INPP1: variants seen among roughly 807,000 people sequenced by gnomAD.
INPP1 encodes the protein inositol polyphosphate 1-phosphatase.
A neutral mutation model predicts 23.0 loss-of-function variants in INPP1; 18 were observed. The observed-to-expected ratio is 0.78, with a 90% CI of 0.54 to 1.16. INPP1 has a LOEUF of 1.16. Among genes scored for constraint, INPP1 ranks in the 50% most tolerant of loss-of-function variants. The probability of loss-of-function intolerance (pLI) is 0.00; values close to 1 mark genes in which losing one functional copy is unlikely to be tolerated. For missense variants in INPP1, 448 were observed against 482.1 expected (o/e 0.93, Z 0.66); for synonymous variants, 164 against 176.3 (o/e 0.93, Z 0.55).
chr2:190,368,937 A>G lies in INPP1; in HGVS notation c.467-166A>G. On this transcript the variant is annotated intron_variant, in intron 5 of 6. Transcript: ENST00000392329. The surrounding 1 kb of genome is among the most constrained non-coding windows in gnomAD (Gnocchi z 4.3). Reference sequence around the variant, plus strand: ...CTCACAGTCAGGAAAATGAAACACAAGCAATTTAAAAGTAAAGTACAAGAG... The same window carrying G: ...CTCACAGTCAGGAAAATGAAACACAGGCAATTTAAAAGTAAAGTACAAGAG... The G allele has an allele frequency of 2.4e-6, 1 of 424,412 alleles. No individual in the cohort carries two copies. The highest frequency in any genetic ancestry group is 4.2e-6 in the Non-Finnish European group (1 of 239,482). The allele number at this position is 424,412 out of a possible 1,614,324, so 26.3% of individuals were successfully genotyped here.
At position 190,368,446 on chromosome 2, in the gene INPP1, C is replaced by T. The variant is rs1012657920; in HGVS notation, c.467-657C>T. Among the ~76,000 whole-genome samples the T allele has an allele frequency of 6.6e-6, 1 of 151,950 alleles. No homozygotes were observed. Among genetic ancestry groups the T allele is most frequent in the African/African-American group, 2.4e-5 (1 of 41,242 alleles). On this transcript the variant is annotated intron_variant, in intron 5 of 6. Coordinates refer to ENST00000392329, the MANE Select transcript of INPP1 (RefSeq NM_001128928.2). The surrounding 1 kb of genome is among the most constrained non-coding windows in gnomAD (Gnocchi z 4.3). ...AGATAATATTACCTGTGACCTATTA[C>T]AGGAGGGGGGCTTTTCTTTTTTTCT...
chr2:190,364,593 T>TTTTTA (rs1227790866), intron 4 of INPP1, among the ~76,000 whole-genome samples: 11 of 87,880 alleles, frequency 1.3e-4, no homozygotes, highest in African/African-American at 5.5e-4. Context: ...GGTTCTGATT[T>TTTTTA]TTTTTTTTTT....
chr2:190,364,347 G>A (rs1689595035), intron 4 of INPP1, among the ~76,000 whole-genome samples: 1 of 151,932 alleles, frequency 6.6e-6, no homozygotes, highest in Admixed American at 6.6e-5. Context: ...AGTCCATCCT[G>A]GCTAACACGG....
chr2:190,359,286 T>A (rs1019077508), intron 2 of INPP1, among the ~76,000 whole-genome samples: 1 of 151,928 alleles, frequency 6.6e-6, no homozygotes, highest in Non-Finnish European at 1.5e-5. Context: ...GGTGACAGAG[T>A]GAGACCCTGT....
intron 3 of INPP1, among the ~76,000 whole-genome samples, chr2:190,361,950 A>G (rs919733877): frequency 2.0e-5 from 3 of 152,264 alleles, no homozygotes; most frequent in African/African-American, 7.2e-5. Context: ...GAGAAAAATT[A>G]TCTTTATTAC....
rs1446144350 is a variant in INPP1 at position 190,352,389 on chromosome 2, G to A, written c.-65+3358G>A. ...CAAACTGTAATATTTATTGGATCCT[G>A]AGAAATGTTTGACAGTCAAATATCT... On this transcript the variant is annotated intron_variant, in intron 2 of 6. Coordinates refer to ENST00000392329, the MANE Select transcript of INPP1 (RefSeq NM_001128928.2). This position sits in a 1 kb window ranked among gnomAD's most constrained non-coding sequence, Gnocchi z 4.7. 6.6e-6 allele frequency among the ~76,000 whole-genome samples: 1 copy of A among 152,210 alleles called. No homozygotes were observed. The highest frequency in any genetic ancestry group is 1.5e-5 in the Non-Finnish European group (1 of 68,040).
rs1200220164 is a variant in INPP1, at chr2:190,366,896, G to A, written c.466+1G>A. 1 of 1,586,956 alleles carries A rather than the reference G, an allele frequency of 6.3e-7. No individual in the cohort carries two copies. Among genetic ancestry groups the A allele is most frequent in the Non-Finnish European group, 8.7e-7 (1 of 1,155,146 alleles). ...TTGGGAATTTGGGTGGACCCCATAG[G>A]TAAGTATAGGAAAGTATGTTTGTTC... On this transcript the variant is annotated splice_donor_variant, in intron 5 of 6. Transcript: ENST00000392329. LOFTEE classifies it high-confidence loss of function.
At chr2:190,357,551 T>C (rs528470944) in intron 2 of INPP1, among the ~76,000 whole-genome samples, 1 of 152,362 alleles carries the variant, frequency 6.6e-6, no homozygotes, top group East Asian at 1.9e-4. Context: ...TTATTAAATA[T>C]TCTTCAAAAA....
rs1689192885 is a variant in INPP1, at chr2:190,345,298, A to G, written c.-209+1337A>G. On this transcript the variant is annotated intron_variant, in intron 1 of 6. Transcript: ENST00000392329. The surrounding 1 kb of genome is among the most constrained non-coding windows in gnomAD (Gnocchi z 4.9). ...TGCTTGGAAATTGCAGCTTTGACTA[A>G]TGCCCTTTAAAATGATATACCTTAT... 6.6e-6 allele frequency among the ~76,000 whole-genome samples: 1 copy of G among 152,214 alleles called. No individual in the cohort carries two copies. Among genetic ancestry groups the G allele is most frequent in the South Asian group, 2.1e-4 (1 of 4,838 alleles).
At chr2:190,344,107 C>G (rs1048585622) in intron 1 of INPP1, 146 bp downstream of exon 1, 1 of 213,036 alleles carries the variant, frequency 4.7e-6, no homozygotes, top group Non-Finnish European at 1.0e-5. Context: ...GAGGGTTCCT[C>G]GCCTCTGCGC....
chr2:190,348,490 T>C (rs1400963169), intron 1 of INPP1, among the ~76,000 whole-genome samples: 3 of 152,222 alleles, frequency 2.0e-5, no homozygotes, highest in African/African-American at 7.2e-5. Flanking sequence ...GCACTGTTCA[T>C]GTCCAGAATT....
intron 2 of INPP1, among the ~76,000 whole-genome samples, chr2:190,353,809 T>C (rs190434783): frequency 2.0e-5 from 3 of 152,372 alleles, no homozygotes; most frequent in African/African-American, 7.2e-5. Context: ...TATGTCTAAA[T>C]TATTCAGATA....
In INPP1 at chr2:190,370,988, C is replaced by T. The variant is rs965520542; in HGVS notation, c.786C>T (p.Ala262=). 7.4e-6 allele frequency: 12 copies of T among 1,613,962 alleles called. No homozygotes were observed. Among genetic ancestry groups the T allele is most frequent in the Admixed American group, 1.7e-5 (1 of 59,988 alleles). ...SEAAFSPSFS[A]VISTSEKETI... is the part of the protein sequence containing the mutation. ...CAGCATTCTCCCCCAGTTTTTCAGC[C>T]GTAATTAGTACAAGTGAAAAGGAGA... The change falls in exon 7 of 7, where the codon GCC becomes GCT. Residue 262 remains alanine (A), a synonymous_variant. Transcript: ENST00000392329.
At chr2:190,364,490 G>T (rs1026957840) in intron 4 of INPP1, among the ~76,000 whole-genome samples, 3 of 150,910 alleles carry the variant, frequency 2.0e-5, no homozygotes, top group Non-Finnish European at 4.4e-5. Context: ...TGCAGTGAGC[G>T]GAGATCGCAC....
intron 1 of INPP1, 74 bp downstream of exon 1, chr2:190,344,035 C>T (rs1689167949): frequency 1.5e-5 from 5 of 335,920 alleles, no homozygotes; most frequent in South Asian, 6.6e-5. Context: ...GGATCTGGGG[C>T]CCGGGCTGGT....
In INPP1 at chr2:190,352,386, C is replaced by G. The variant is rs539058412; in HGVS notation, c.-65+3355C>G. 6.6e-6 allele frequency among the ~76,000 whole-genome samples: 1 copy of G among 152,150 alleles called. No homozygotes were observed. The highest frequency in any genetic ancestry group is 6.5e-5 in the Admixed American group (1 of 15,280). ...TCCCAAACTGTAATATTTATTGGAT[C>G]CTGAGAAATGTTTGACAGTCAAATA... On this transcript the variant is annotated intron_variant, in intron 2 of 6. Coordinates refer to ENST00000392329, the MANE Select transcript of INPP1 (RefSeq NM_001128928.2). This position sits in a 1 kb window ranked among gnomAD's most constrained non-coding sequence, Gnocchi z 4.7.
rs1023457862 is a variant in INPP1 at position 190,355,252 on chromosome 2, T to G, written c.-64-4787T>G. Among the ~76,000 whole-genome samples the G allele has an allele frequency of 1.3e-5, 2 of 152,302 alleles. No individual in the cohort carries two copies. The highest frequency in any genetic ancestry group is 2.9e-5 in the Non-Finnish European group (2 of 68,014). On this transcript the variant is annotated intron_variant, in intron 2 of 6. Coordinates refer to ENST00000392329, the MANE Select transcript of INPP1 (RefSeq NM_001128928.2). This position sits in a 1 kb window ranked among gnomAD's most constrained non-coding sequence, Gnocchi z 5.1. ...TATAAGAATTAAATGAGTTAATACA[T>G]GTAAGGTGCCTAGAAGGATGCCTGG...
intron 1 of INPP1, 69 bp from the exon 2 acceptor site, chr2:190,348,819 C>G (rs1689271825): frequency 6.6e-6 from 1 of 152,212 alleles, no homozygotes; most frequent in Non-Finnish European, 1.5e-5. Flanking sequence ...TCATAGAAAT[C>G]ATCCAATCCA....
chr2:190,366,954 G>A (rs1225022461), intron 5 of INPP1, 59 bp downstream of exon 5: 9 of 1,109,390 alleles, frequency 8.1e-6, no homozygotes, highest in Non-Finnish European at 1.2e-5. Context: ...TGGTGGGGTT[G>A]GGGATGGGTG....
Sources: gnomAD v4.1 joint callset for allele counts (sites outside exome capture counted in the v4.1 genomes callset) on GRCh38, gnomAD v4.1.1 for gene constraint, Gnocchi (gnomAD v3.1) non-coding constraint, MANE v1.5 for transcripts, NCBI Gene and HGNC (gene_info 2026-07-23, HGNC 2026-07-21) for gene names.